The following SF3A1 variants were observed in gnomAD, a reference collection of about 807,000 sequenced individuals.
The protein encoded by SF3A1 is splicing factor 3a subunit 1.
In SF3A1, 13 loss-of-function variants were observed where a neutral mutation model predicts 89.9. The ratio of observed to expected loss-of-function variants is 0.14; its 90% confidence interval spans 0.09 to 0.23. SF3A1 has a LOEUF of 0.23. Among genes scored for constraint, SF3A1 ranks in the 10% least tolerant of loss-of-function variants. SF3A1 has a pLI of 1.00. For missense variants in SF3A1, 604 were observed against 1,022.1 expected (o/e 0.59, Z 5.58); for synonymous variants, 405 against 374.4 (o/e 1.08, Z -0.94).
rs1311356898 is a variant in SF3A1, at chr22:30,332,348, A to G, written c.*2246T>C. 6.6e-6 allele frequency: 1 copy of G among 152,234 alleles called. No individual in the cohort carries two copies. The highest frequency in any genetic ancestry group is 1.5e-5 in the Non-Finnish European group (1 of 68,042). 9.4% of individuals were successfully genotyped at this position (152,234 alleles called of 1,614,324 possible). A position where few individuals can be genotyped will look rare whatever the true frequency, so the allele number is the denominator to read the frequency against. On this transcript the variant is annotated 3_prime_UTR_variant, in exon 16 of 16. Coordinates refer to ENST00000215793, the MANE Select transcript of SF3A1 (RefSeq NM_005877.6). ...CCTCTGCATGCAAGTCTTCAAAATT[A>G]TGGTGACTTAAGTCCCACACCACCT... is the stretch of plus-strand genomic sequence containing the variant.
chr22:30,341,931 C>T, intron 6 of SF3A1, 46 bp from the exon 7 acceptor site: 1 of 1,568,342 alleles, frequency 6.4e-7, no homozygotes, highest in Non-Finnish European at 8.7e-7. Flanking sequence ...CAAAGACCCA[C>T]CTATTTGCCC....
chr22:30,354,475 G>A (rs1213666095), intron 1 of SF3A1, among the ~76,000 whole-genome samples: 1 of 151,958 alleles, frequency 6.6e-6, no homozygotes, highest in Non-Finnish European at 1.5e-5. Flanking sequence ...TTCCTGACCC[G>A]TTTCACCTCC....
chr22:30,354,234 C>T (rs1383980053), intron 1 of SF3A1, among the ~76,000 whole-genome samples: 1 of 152,248 alleles, frequency 6.6e-6, no homozygotes, highest in Admixed American at 6.5e-5. Flanking sequence ...CCTTCTCCCA[C>T]ACCTTCCTCT....
Position 30,356,873 on chromosome 22 carries a change from T to G in SF3A1, c.-81A>C, listed in dbSNP as rs1231335049. 1.7e-6 allele frequency: 2 copies of G among 1,167,684 alleles called. No homozygotes were observed. The highest frequency in any genetic ancestry group is 2.2e-6 in the Non-Finnish European group (2 of 919,602). 72.3% of individuals were successfully genotyped at this position (1,167,684 alleles called of 1,614,324 possible). ...CAAGACAGCCTCCCCGCTCGGTCAG[T>G]ACGACGAGCTCGCAAGATGGCGGCG... On this transcript the variant is annotated 5_prime_UTR_variant, in exon 1 of 16. Transcript: ENST00000215793.
intron 2 of SF3A1, 152 bp from the exon 3 acceptor site, chr22:30,346,671 G>GATCGCCAAT: frequency 1.3e-6 from 1 of 788,940 alleles, no homozygotes; most frequent in Non-Finnish European, 2.0e-6. Context: ...TCCTGGCATT[G>GATCGCCAAT]GCGATCAGTG....
chr22:30,350,929 C>T (rs1931572656), intron 2 of SF3A1, among the ~76,000 whole-genome samples: 1 of 152,256 alleles, frequency 6.6e-6, no homozygotes, highest in Non-Finnish European at 1.5e-5. Flanking sequence ...CACAGAGAAG[C>T]TTTCAACCTA....
chr22:30,354,874 T>C (rs999551333), intron 1 of SF3A1, among the ~76,000 whole-genome samples: 21 of 152,190 alleles, frequency 1.4e-4, no homozygotes, highest in African/African-American at 2.2e-4. Flanking sequence ...CAGTAAGCTA[T>C]GACTGCACCA....
Position 30,337,704 on chromosome 22 carries a change from A to T in SF3A1, c.1937T>A (p.Met646Lys). The T allele has an allele frequency of 4.6e-6, 2 of 434,424 alleles. No individual in the cohort carries two copies. The highest frequency in any genetic ancestry group is 8.0e-6 in the Non-Finnish European group (2 of 249,330). 26.9% of individuals were successfully genotyped at this position (434,424 alleles called of 1,614,324 possible). A position where few individuals can be genotyped will look rare whatever the true frequency, so the allele number is the denominator to read the frequency against. The change falls in exon 12 of 16, where the codon ATG becomes AAG. Residue 646 changes from methionine to lysine, a missense_variant. Met to Lys is a moderately conservative substitution (Grantham distance 95). Transcript: ENST00000215793. The stretch of plus-strand genomic sequence containing the variant: ...GAGATACTGACCTGTTGGCACAATC[A>T]TGGGGGGTGGGCGGGGGGCCATAAT... The part of the protein sequence containing the change: ...PPIMAPRPPP[M>K]IVPTAFVPAP...
intron 2 of SF3A1, among the ~76,000 whole-genome samples, chr22:30,348,285 G>A (rs1384336785): frequency 1.3e-5 from 2 of 152,166 alleles, no homozygotes; most frequent in Non-Finnish European, 2.9e-5. Flanking sequence ...GCATGGCCCC[G>A]GCATCTGGTG....
intron 9 of SF3A1, 28 bp downstream of exon 9, chr22:30,340,168 A>G: frequency 6.8e-7 from 1 of 1,467,248 alleles, no homozygotes; most frequent in Non-Finnish European, 9.0e-7. Flanking sequence ...GGAGACTACC[A>G]TGGGCTCTCC....
In SF3A1 at chr22:30,346,366, G is replaced by T; in HGVS notation, c.339C>A (p.Ile113=). Residue 113 remains isoleucine, a synonymous_variant, in exon 3 of 16, where the codon ATC becomes ATA. Transcript: ENST00000215793. The part of the protein sequence containing the change: ...EGKAQEPSAA[I]PKVMQQQQQT... ...GCTGCTGCTGCTGCATGACCTTGGG[G>T]ATGGCGGCGGACGGCTCCTGAGCCT... is the stretch of plus-strand genomic sequence containing the variant. 1 of 1,614,010 alleles carries T rather than the reference G, an allele frequency of 6.2e-7. No individual in the cohort carries two copies. Among genetic ancestry groups the T allele is most frequent in the Non-Finnish European group, 8.5e-7 (1 of 1,179,932 alleles).
chr22:30,348,997 A>G lies in SF3A1; in HGVS notation c.186-2478T>C, dbSNP rs140695424. 5.9e-5 allele frequency among the ~76,000 whole-genome samples: 9 copies of G among 152,312 alleles called. No homozygotes were observed. The East Asian group carries it at 1.7e-3, about 29-fold the overall frequency. ...ATTTTAGAATCATACTCTCCACCAG[A>G]AGGAATAGATTTCAACAGAAAAAGA... On this transcript the variant is annotated intron_variant, in intron 2 of 15. Coordinates refer to ENST00000215793, the MANE Select transcript of SF3A1 (RefSeq NM_005877.6).
chr22:30,341,961 C>G (rs996939713), intron 6 of SF3A1, 76 bp from the exon 7 acceptor site: 3 of 1,430,730 alleles, frequency 2.1e-6, no homozygotes, highest in Non-Finnish European at 1.9e-6. Context: ...TCCCCAAGGG[C>G]TGGGGCCATG....
chr22:30,339,385 T>C lies in SF3A1; in HGVS notation c.1376-134A>G, dbSNP rs1191055271. 4 of 1,111,354 alleles carry C rather than the reference T, an allele frequency of 3.6e-6. No individual in the cohort carries two copies. The African/African-American group carries it at 6.2e-5, about 17-fold the overall frequency. 68.8% of individuals were successfully genotyped at this position (1,111,354 alleles called of 1,614,324 possible). On this transcript the variant is annotated intron_variant, in intron 9 of 15. Coordinates refer to ENST00000215793, the MANE Select transcript of SF3A1 (RefSeq NM_005877.6). ...TGAGGGTGACTCAGGGCCCCAACTC[T>C]TGTCCTCTGGGCTCGGGGAAAGCTG...
At chr22:30,353,716 T>A (rs928760691) in intron 1 of SF3A1, among the ~76,000 whole-genome samples, 1 of 152,174 alleles carries the variant, frequency 6.6e-6, no homozygotes, top group Non-Finnish European at 1.5e-5. Flanking sequence ...GAATTTCTTT[T>A]TCGGGGAGCT....
At position 30,342,868 on chromosome 22, in the gene SF3A1, T is replaced by A. The variant is rs749172927; in HGVS notation, c.663A>T (p.Pro221=). 12 of 1,611,500 alleles carry A rather than the reference T, an allele frequency of 7.4e-6. No individual in the cohort carries two copies. The Admixed American group carries it at 2.0e-4, about 27-fold the overall frequency. ...TGAGCTTTGAAAATAAACCTTTGGG[T>A]GGAATCAAGATCTGAAATACAGAAG... The part of the protein sequence containing the change: ...LVEQYTKILI[P]PKGLFSKLKK... Residue 221 remains proline (P), a synonymous_variant, in exon 5 of 16, where the codon CCA becomes CCT. Transcript: ENST00000215793.
intron 2 of SF3A1, among the ~76,000 whole-genome samples, chr22:30,349,107 A>G (rs1172742494): frequency 6.6e-6 from 1 of 152,236 alleles, no homozygotes; most frequent in Non-Finnish European, 1.5e-5. Context: ...CAGGAAATGA[A>G]AAGGCCTAAC....
chr22:30,352,411 T>G (rs1796341205), intron 2 of SF3A1: 1 of 153,118 alleles, frequency 6.5e-6, no homozygotes, highest in African/African-American at 2.4e-5. Context: ...GGCTAGCACC[T>G]GCATGGAACT....
At chr22:30,347,360 A>G (rs1360228967) in intron 2 of SF3A1, among the ~76,000 whole-genome samples, 1 of 152,176 alleles carries the variant, frequency 6.6e-6, no homozygotes, top group Non-Finnish European at 1.5e-5. Flanking sequence ...AGTACTCCCT[A>G]AAACCACCCC....
Sources: allele counts gnomAD v4.1 joint callset (sites outside exome capture counted in the v4.1 genomes callset), GRCh38; gene constraint gnomAD v4.1.1; transcripts MANE v1.5; gene names NCBI Gene and HGNC (gene_info 2026-07-23, HGNC 2026-07-21).